PIK3R6: variants seen among roughly 807,000 people sequenced by gnomAD.
PIK3R6 encodes the protein phosphoinositide-3-kinase regulatory subunit 6, also known as phosphoinositide 3-kinase regulatory subunit 6.
A neutral mutation model predicts 84.9 loss-of-function variants in PIK3R6; 91 were observed. The observed-to-expected ratio is 1.07, with a 90% confidence interval of 0.90 to 1.28. PIK3R6 has a LOEUF of 1.28. Among genes scored for constraint, PIK3R6 ranks in the 50% most tolerant of loss-of-function variants. The pLI is 0.00. For synonymous variants in PIK3R6, 416 were observed against 411.4 expected (o/e 1.01, Z -0.13); for missense variants, 996 against 985.1 (o/e 1.01, Z -0.15).
intron 18 of PIK3R6, among the ~76,000 whole-genome samples, chr17:8,810,067 A>T (rs1374787128): frequency 6.6e-6 from 1 of 152,072 alleles, no homozygotes; most frequent in Non-Finnish European, 1.5e-5. Context: ...TGATAAAGAC[A>T]TACCTGAGAC....
In PIK3R6 at chr17:8,828,728, A is replaced by G. The variant is rs1368710497; in HGVS notation, c.1152T>C (p.Pro384=). The G allele has an allele frequency of 6.2e-7, 1 of 1,608,902 alleles. No homozygotes were observed. The highest frequency in any genetic ancestry group is 2.2e-5 in the East Asian group (1 of 44,726). Residue 384 remains proline, a synonymous_variant, in exon 11 of 20, where the codon CCT becomes CCC. Transcript: ENST00000619866. ...GCCCTGGGGGCCCGTCCCAGCTGCC[A>G]GGCATCAAGAAGTCCAGGGGCCATG... ...KRAWPLDFLM[P]GSWDGPPGLH... is the part of the protein sequence containing the mutation.
At position 8,839,513 on chromosome 17, in the gene PIK3R6, C is replaced by T. The variant is rs9910718; in HGVS notation, c.97+101G>A. On this transcript the variant is annotated intron_variant, in intron 3 of 19. Coordinates refer to ENST00000619866, the MANE Select transcript of PIK3R6 (RefSeq NM_001010855.4). This position sits in a 1 kb window ranked among gnomAD's most constrained non-coding sequence, Gnocchi z 4.2. ...GGTTTGGTGAGACGACCCTTGCCCC[C>T]TGAGCTCCAGGCCGGGGCTCTTTCC... 358,608 of 941,528 alleles carry T rather than the reference C, an allele frequency of 0.38. 70,356 individuals are homozygous for T. The highest frequency in any genetic ancestry group is 0.4 in the Non-Finnish European group (255,942 of 633,210). The allele number at this position is 941,528 out of a possible 1,614,324, so 58.3% of individuals were successfully genotyped here. A position where few individuals can be genotyped will look rare whatever the true frequency, so the allele number is the denominator to read the frequency against.
intron 18 of PIK3R6, among the ~76,000 whole-genome samples, chr17:8,811,671 AAG>A (rs1597377364): frequency 7.3e-6 from 1 of 137,538 alleles, no homozygotes; most frequent in Non-Finnish European, 1.5e-5. Flanking sequence ...GCTAAAATAT[AAG>A]AGTCACCTTT....
intron 2 of PIK3R6, among the ~76,000 whole-genome samples, chr17:8,843,845 C>T (rs772299111): frequency 3.9e-5 from 6 of 152,096 alleles, no homozygotes; most frequent in African/African-American, 1.2e-4. Context: ...CCCCATGCCT[C>T]GGTTTCACTC....
At chr17:8,858,389 T>G (rs2089195432) in intron 1 of PIK3R6, among the ~76,000 whole-genome samples, 1 of 144,934 alleles carries the variant, frequency 6.9e-6, no homozygotes, top group Non-Finnish European at 1.5e-5. Flanking sequence ...CGATCTCGGC[T>G]CACTGCAACC....
In PIK3R6 at chr17:8,842,484, G is replaced by A. The variant is rs558795607; in HGVS notation, c.14-2787C>T. Among the ~76,000 whole-genome samples, 90 of 152,178 alleles carry A rather than the reference G, an allele frequency of 5.9e-4. No homozygotes were observed. The highest frequency in any genetic ancestry group is 3.1e-3 in the South Asian group (15 of 4,808). On this transcript the variant is annotated intron_variant, in intron 2 of 19. Coordinates refer to ENST00000619866, the MANE Select transcript of PIK3R6 (RefSeq NM_001010855.4). The surrounding 1 kb of genome is among the most constrained non-coding windows in gnomAD (Gnocchi z 4.5). ...CCAGGGTCTGACAGCTGCTCTCCCA[G>A]GTCCCTCTCCATTTCTGTCACACAA...
intron 13 of PIK3R6, among the ~76,000 whole-genome samples, chr17:8,826,615 C>T (rs906708765): frequency 6.6e-6 from 1 of 151,914 alleles, no homozygotes; most frequent in Non-Finnish European, 1.5e-5. Flanking sequence ...CATCACACAC[C>T]GGGGCCTGTC....
At chr17:8,808,180 A>G (rs73973218) in intron 18 of PIK3R6, among the ~76,000 whole-genome samples, 5,492 of 152,248 alleles carry the variant, frequency 0.036, 346 homozygotes, top group African/African-American at 0.12. Flanking sequence ...GAGATATAAG[A>G]AGGAGATGAA....
At chr17:8,850,300 C>CAAA (rs753799544) in intron 1 of PIK3R6, among the ~76,000 whole-genome samples, 18 of 63,444 alleles carry the variant, frequency 2.8e-4, no homozygotes, top group Admixed American at 7.1e-4. Context: ...GAGACTGGCT[C>CAAA]AAAAAAAAAA....
At position 8,842,579 on chromosome 17, in the gene PIK3R6, CG is replaced by C. The variant is rs1325576459; in HGVS notation, c.14-2883del. On this transcript the variant is annotated intron_variant, in intron 2 of 19. Coordinates refer to ENST00000619866, the MANE Select transcript of PIK3R6 (RefSeq NM_001010855.4). The surrounding 1 kb of genome is among the most constrained non-coding windows in gnomAD (Gnocchi z 4.5). Reference sequence around the variant, plus strand: ...CAGATCCAGACTCAGACAAGAAGTACGGGAAACACTCCTCACACAATAAATT... The same window carrying C: ...CAGATCCAGACTCAGACAAGAAGTACGGAAACACTCCTCACACAATAAATT... 6.6e-6 allele frequency among the ~76,000 whole-genome samples: 1 copy of C among 152,110 alleles called. No homozygotes were observed. Among genetic ancestry groups the C allele is most frequent in the East Asian group, 1.9e-4 (1 of 5,198 alleles).
At chr17:8,829,143 A>G (rs2088069868) in intron 10 of PIK3R6, among the ~76,000 whole-genome samples, 153 bp from the exon 11 acceptor site, 1 of 152,140 alleles carries the variant, frequency 6.6e-6, no homozygotes. Context: ...ACTCACACAC[A>G]GAGACACACA....
Position 8,844,533 on chromosome 17 carries a change from C to A in PIK3R6, c.14-4836G>T, listed in dbSNP as rs2088770122. 6.6e-6 allele frequency among the ~76,000 whole-genome samples: 1 copy of A among 152,010 alleles called. No individual in the cohort carries two copies. The highest frequency in any genetic ancestry group is 6.6e-5 in the Admixed American group (1 of 15,256). Reference sequence around the variant, plus strand: ...CGAATAGTCAATAGATAAATGGCATCCATTATTATTATCCTCCTCTGCATC... The same window carrying A: ...CGAATAGTCAATAGATAAATGGCATACATTATTATTATCCTCCTCTGCATC... On this transcript the variant is annotated intron_variant, in intron 2 of 19. Transcript: ENST00000619866. This position sits in a 1 kb window ranked among gnomAD's most constrained non-coding sequence, Gnocchi z 4.5.
At chr17:8,813,280 C>T (rs74602418) in intron 18 of PIK3R6, among the ~76,000 whole-genome samples, 1 of 151,510 alleles carries the variant, frequency 6.6e-6, no homozygotes, top group African/African-American at 2.4e-5. Flanking sequence ...TAAAAAAAAC[C>T]TCAGGAGCAG....
rs2088606926 is a variant in PIK3R6 at position 8,839,622 on chromosome 17, C to T, written c.89G>A (p.Ser30Asn). Residue 30 changes from serine to asparagine, a missense_variant, in exon 3 of 20, where the codon AGC becomes AAC. Coordinates refer to ENST00000619866, the MANE Select transcript of PIK3R6 (RefSeq NM_001010855.4). This position sits in a 1 kb window ranked among gnomAD's most constrained non-coding sequence, Gnocchi z 4.2. ...TGCCAGCTGGCTCTTACCTTGGTTG[C>T]TCTGCAGGGCAGGGGCCTGGGTGCT... Reference protein sequence around the residue: ...ELSTQAPALQSNQGMWRWSLH... With the variant: ...ELSTQAPALQNNQGMWRWSLH... 3.2e-6 allele frequency: 5 copies of T among 1,570,368 alleles called. No individual in the cohort carries two copies. In the East Asian group the frequency reaches 7.0e-5, roughly 22 times the overall value.
intron 1 of PIK3R6, among the ~76,000 whole-genome samples, chr17:8,851,124 TA>T (rs35363725): frequency 0.56 from 83,580 of 149,712 alleles, 24,015 homozygotes; most frequent in African/African-American, 0.65. Flanking sequence ...TAAAGGTAGT[TA>T]AAAAAAAAAT....
intron 18 of PIK3R6, among the ~76,000 whole-genome samples, chr17:8,812,324 A>G (rs1358554977): frequency 6.6e-6 from 1 of 152,254 alleles, no homozygotes; most frequent in African/African-American, 2.4e-5. Context: ...TTAGTACTCC[A>G]TTGATGCACT....
rs529964070 is a variant in PIK3R6, at chr17:8,862,211, A to G, written c.-92+5318T>C. Among the ~76,000 whole-genome samples the G allele has an allele frequency of 6.6e-6, 1 of 152,290 alleles. No individual in the cohort carries two copies. Among genetic ancestry groups the G allele is most frequent in the East Asian group, 1.9e-4 (1 of 5,188 alleles). ...TGTTTATTATCTGGCTGCTGTCACT[A>G]AAATATAAGCTCCCCATGGGAAGGG... On this transcript the variant is annotated intron_variant, in intron 1 of 19. Transcript: ENST00000619866. This position sits in a 1 kb window ranked among gnomAD's most constrained non-coding sequence, Gnocchi z 4.3.
intron 1 of PIK3R6, among the ~76,000 whole-genome samples, chr17:8,852,241 C>T (rs1322822701): frequency 6.6e-6 from 1 of 152,014 alleles, no homozygotes; most frequent in African/African-American, 2.4e-5. Flanking sequence ...GTACTTAATG[C>T]CATTGAATTA....
At chr17:8,815,366 T>C (rs2087498310) in intron 18 of PIK3R6, among the ~76,000 whole-genome samples, 1 of 151,942 alleles carries the variant, frequency 6.6e-6, no homozygotes, top group Non-Finnish European at 1.5e-5. Context: ...ATTAGCACGG[T>C]GTGGTGGCAC....
Sources: allele counts gnomAD v4.1 joint callset (sites outside exome capture counted in the v4.1 genomes callset), GRCh38; gene constraint gnomAD v4.1.1; non-coding constraint Gnocchi (gnomAD v3.1); transcripts MANE v1.5; gene names NCBI Gene and HGNC (gene_info 2026-07-23, HGNC 2026-07-21).